Variants in ROBO1 observed in about 807,000 individuals in gnomAD.
ROBO1 encodes roundabout homolog 1.
ROBO1 carries 149 observed loss-of-function variants against 195.9 expected under a neutral mutation model. That is an observed-to-expected ratio of 0.76 (90% CI 0.67 to 0.87). ROBO1 has a LOEUF of 0.87. Among genes scored for constraint, ROBO1 ranks in the 40% least tolerant of loss-of-function variants. ROBO1 has a pLI of 0.00. For synonymous variants in ROBO1, 816 were observed against 733.2 expected (o/e 1.11, Z -1.82); for missense variants, 1,933 against 2,068.3 (o/e 0.93, Z 1.27).
chr3:79,305,575 T>A (rs933264359), intron 2 of ROBO1, among the ~76,000 whole-genome samples: 2 of 151,208 alleles, frequency 1.3e-5, no homozygotes, highest in African/African-American at 2.4e-5. Flanking sequence ...TTTTCAGAAG[T>A]GTGATTCAAC....
At chr3:78,690,874 T>C (rs1009542367) in intron 8 of ROBO1, among the ~76,000 whole-genome samples, 3 of 152,176 alleles carry the variant, frequency 2.0e-5, no homozygotes, top group African/African-American at 7.2e-5. Flanking sequence ...CCAGAATCTA[T>C]GTTTCTTTTA....
intron 2 of ROBO1, among the ~76,000 whole-genome samples, chr3:79,228,681 A>G (rs2082268683): frequency 6.6e-6 from 1 of 152,162 alleles, no homozygotes; most frequent in Non-Finnish European, 1.5e-5. Context: ...ATAGTTCTGT[A>G]TTGGATATGG....
intron 2 of ROBO1, among the ~76,000 whole-genome samples, chr3:79,357,400 T>C (rs2035599884): frequency 6.6e-6 from 1 of 152,176 alleles, no homozygotes; most frequent in Non-Finnish European, 1.5e-5. Flanking sequence ...AGAGAGTTAA[T>C]GGAAATGCCT....
At chr3:78,662,542 T>C (rs1707488259) in intron 14 of ROBO1, among the ~76,000 whole-genome samples, 2 of 151,886 alleles carry the variant, frequency 1.3e-5, no homozygotes, top group South Asian at 2.1e-4. Flanking sequence ...GGCTAAGCAA[T>C]GGAAAGAAAG....
chr3:78,965,933 A>C (rs1427471932), intron 3 of ROBO1, among the ~76,000 whole-genome samples: 1 of 152,178 alleles, frequency 6.6e-6, no homozygotes, highest in African/African-American at 2.4e-5. Context: ...TTATTATTTC[A>C]TTTTATTTTA....
intron 1 of ROBO1, among the ~76,000 whole-genome samples, chr3:79,764,732 A>C (rs1244347975): frequency 6.6e-6 from 1 of 152,238 alleles, no homozygotes. Context: ...AATAGTGCAC[A>C]CAAGTGTATA....
At chr3:79,018,532 T>G in intron 3 of ROBO1, 1 of 1,599,694 alleles carries the variant, frequency 6.3e-7, no homozygotes. Flanking sequence ...CCCAAATGTA[T>G]GAAGCCACAC....
intron 1 of ROBO1, among the ~76,000 whole-genome samples, chr3:79,646,199 C>G (rs535355365): frequency 6.6e-6 from 1 of 152,012 alleles, no homozygotes; most frequent in East Asian, 1.9e-4. Flanking sequence ...AGGGCTTAAC[C>G]AACTCAGTAG....
At chr3:79,359,107 T>C (rs1468344444) in intron 2 of ROBO1, among the ~76,000 whole-genome samples, 3 of 152,054 alleles carry the variant, frequency 2.0e-5, no homozygotes, top group Non-Finnish European at 2.9e-5. Flanking sequence ...AAGTTAATTA[T>C]AAAAATGCTT....
At chr3:79,327,731 AAGCCCGTG>A (rs145416747) in intron 2 of ROBO1, among the ~76,000 whole-genome samples, 14,284 of 152,122 alleles carry the variant, frequency 0.094, 747 homozygotes, top group East Asian at 0.13. Flanking sequence ...AAGGAAGTAG[AAGCCCGTG>A]ATCCATTCTC....
Position 78,881,474 on chromosome 3 carries a change from C to CA in ROBO1, c.499+57126dup, listed in dbSNP as rs112776217. 8.6e-3 allele frequency among the ~76,000 whole-genome samples: 1,317 copies of CA among 152,300 alleles called. 24 individuals are homozygous for CA. The highest frequency in any genetic ancestry group is 0.027 in the African/African-American group (1,139 of 41,562). ...AACAATAAAAATGCCACAAAAATTG[C>CA]AAACAGCAACAATTAAAAGCATTTT... is the stretch of plus-strand genomic sequence containing the variant. On this transcript the variant is annotated intron_variant, in intron 4 of 30. Coordinates refer to ENST00000464233, the MANE Select transcript of ROBO1 (RefSeq NM_002941.4).
chr3:79,401,791 T>G (rs1486648060), intron 2 of ROBO1, among the ~76,000 whole-genome samples: 1 of 151,802 alleles, frequency 6.6e-6, no homozygotes. Context: ...TTCTAACACT[T>G]AAAATAAAAA....
At chr3:79,657,536 G>A (rs960527575) in intron 1 of ROBO1, among the ~76,000 whole-genome samples, 3 of 151,946 alleles carry the variant, frequency 2.0e-5, no homozygotes, top group African/African-American at 7.2e-5. Context: ...CATTTACTAT[G>A]GGAAATATAT....
At chr3:79,088,125 A>G (rs2079407713) in intron 3 of ROBO1, among the ~76,000 whole-genome samples, 1 of 152,102 alleles carries the variant, frequency 6.6e-6, no homozygotes, top group African/African-American at 2.4e-5. Context: ...TCTGTTTCTC[A>G]TGGGGCAAGA....
chr3:79,267,588 A>G lies in ROBO1; in HGVS notation c.89-142049T>C, dbSNP rs1370570548. Among the ~76,000 whole-genome samples, 3 of 151,170 alleles carry G rather than the reference A, an allele frequency of 2.0e-5. No individual in the cohort carries two copies. In the Admixed American group the frequency reaches 2.0e-4, roughly 10 times the overall value. The stretch of plus-strand genomic sequence containing the variant: ...CACTTCACTATTGAATCTACTAAAA[A>G]TTGGAAAGCTTGGAAAGACCCATCT... On this transcript the variant is annotated intron_variant, in intron 2 of 30. Transcript: ENST00000464233.
chr3:79,686,159 A>C (rs567084101), intron 1 of ROBO1, among the ~76,000 whole-genome samples: 1 of 152,226 alleles, frequency 6.6e-6, no homozygotes, highest in Non-Finnish European at 1.5e-5. Context: ...AGCCTTTGAC[A>C]AAATTCAACA....
chr3:79,076,046 T>C (rs995232872), intron 3 of ROBO1, among the ~76,000 whole-genome samples: 2 of 151,282 alleles, frequency 1.3e-5, no homozygotes, highest in South Asian at 2.1e-4. Context: ...GCAAGTAATA[T>C]AATCCCTTTA....
intron 1 of ROBO1, among the ~76,000 whole-genome samples, chr3:79,702,157 C>A (rs1947640448): frequency 6.6e-6 from 1 of 151,670 alleles, no homozygotes; most frequent in African/African-American, 2.4e-5. Flanking sequence ...AAGAAAATGG[C>A]CAAAGTCAGA....
chr3:79,101,703 T>G (rs2079679683), intron 3 of ROBO1, among the ~76,000 whole-genome samples: 1 of 151,896 alleles, frequency 6.6e-6, no homozygotes, highest in Non-Finnish European at 1.5e-5. Flanking sequence ...TAGCTATAAA[T>G]AGTTTAACAT....
Sources: gnomAD v4.1 joint callset for allele counts (sites outside exome capture counted in the v4.1 genomes callset) on GRCh38, gnomAD v4.1.1 for gene constraint, MANE v1.5 for transcripts, NCBI Gene and HGNC (gene_info 2026-07-23, HGNC 2026-07-21) for gene names.